Variants in PRKCA observed in about 807,000 individuals in gnomAD.
PRKCA encodes the protein protein kinase C alpha type.
PRKCA carries 27 observed loss-of-function variants against 87.0 expected under a neutral mutation model. The observed-to-expected ratio is 0.31, with a 90% CI of 0.23 to 0.43. The LOEUF is 0.43. Ranked by LOEUF, PRKCA falls within the 20% of genes least tolerant of loss-of-function variation. The pLI, the probability that PRKCA is intolerant of heterozygous loss-of-function variation, is 1.00. For synonymous variants in PRKCA, 329 were observed against 311.1 expected, an observed-to-expected ratio of 1.06 and a Z score of -0.61; for missense variants, 518 against 852.3, an observed-to-expected ratio of 0.61 and a Z score of 4.88.
chr17:66,310,625 G>A (rs1233273399), intron 2 of PRKCA, among the ~76,000 whole-genome samples: 1 of 152,168 alleles, frequency 6.6e-6, no homozygotes, highest in East Asian at 1.9e-4. Context: ...TGAGCAGGGT[G>A]GTGATTTCTA....
At chr17:66,534,421 A>C (rs562550545) in intron 3 of PRKCA, among the ~76,000 whole-genome samples, 2 of 152,150 alleles carry the variant, frequency 1.3e-5, no homozygotes, top group Non-Finnish European at 2.9e-5. Context: ...TAATCCCAGC[A>C]CTTTGGGAGG....
intron 2 of PRKCA, among the ~76,000 whole-genome samples, chr17:66,481,543 C>T (rs1300428491): frequency 3.3e-5 from 5 of 152,250 alleles, no homozygotes; most frequent in East Asian, 1.9e-4. Flanking sequence ...GCTCTCTGCT[C>T]GCCTCTCTCC....
intron 13 of PRKCA, among the ~76,000 whole-genome samples, chr17:66,746,520 C>T (rs561823851): frequency 6.6e-6 from 1 of 152,304 alleles, no homozygotes; most frequent in South Asian, 2.1e-4. Context: ...TGTGCAAATA[C>T]TCCTGTCAGG....
chr17:66,636,480 G>A (rs771708426), intron 3 of PRKCA, among the ~76,000 whole-genome samples: 4 of 152,214 alleles, frequency 2.6e-5, no homozygotes, highest in Admixed American at 6.5e-5. Flanking sequence ...AGTCGGGAAT[G>A]CGGGACCTAG....
chr17:66,402,800 A>G (rs984598976), intron 2 of PRKCA, among the ~76,000 whole-genome samples: 3 of 152,250 alleles, frequency 2.0e-5, no homozygotes, highest in African/African-American at 7.2e-5. Flanking sequence ...ACCAAGTTCT[A>G]GAAGACACTG....
chr17:66,773,335 A>C (rs1974981353), intron 13 of PRKCA, among the ~76,000 whole-genome samples: 1 of 152,158 alleles, frequency 6.6e-6, no homozygotes, highest in Non-Finnish European at 1.5e-5. Context: ...TCTGTTTTTC[A>C]ATAGACTGAA....
intron 14 of PRKCA, chr17:66,777,251 G>A: frequency 1.0e-6 from 1 of 985,366 alleles, no homozygotes; most frequent in Non-Finnish European, 1.2e-6. Context: ...CTCTAGGATG[G>A]GAGGCTGTGG....
At chr17:66,451,308 T>G (rs1443912154) in intron 2 of PRKCA, among the ~76,000 whole-genome samples, 1 of 152,100 alleles carries the variant, frequency 6.6e-6, no homozygotes, top group Non-Finnish European at 1.5e-5. Context: ...AGGATTCCAT[T>G]CTTTAATTTC....
chr17:66,549,357 T>C (rs1335363599), intron 3 of PRKCA, among the ~76,000 whole-genome samples: 4 of 152,056 alleles, frequency 2.6e-5, no homozygotes, highest in Non-Finnish European at 4.4e-5. Context: ...TTTGCTTCTG[T>C]GACTGATAAC....
At chr17:66,364,008 G>GA (rs1191141057) in intron 2 of PRKCA, 1 of 152,260 alleles carries the variant, frequency 6.6e-6, no homozygotes, top group Non-Finnish European at 1.5e-5. Flanking sequence ...GCCTGGAATG[G>GA]GCTTTTTAAA....
At chr17:66,662,653 T>C (rs1971938413) in intron 5 of PRKCA, among the ~76,000 whole-genome samples, 1 of 151,764 alleles carries the variant, frequency 6.6e-6, no homozygotes, top group African/African-American at 2.4e-5. Context: ...TCTTGTTTGA[T>C]TTTGTTTTGG....
At chr17:66,506,597 C>T (rs368057645) in intron 3 of PRKCA, among the ~76,000 whole-genome samples, 3 of 152,106 alleles carry the variant, frequency 2.0e-5, no homozygotes, top group African/African-American at 2.4e-5. Flanking sequence ...TACAGCTGTG[C>T]GTGAGACTTT....
chr17:66,322,636 ATTGTTTT>A (rs1905743696), intron 2 of PRKCA, among the ~76,000 whole-genome samples: 1 of 122,218 alleles, frequency 8.2e-6, no homozygotes, highest in African/African-American at 3.5e-5. Context: ...CTAATTTTTA[ATTGTTTT>A]TTTTTTTTTT....
intron 5 of PRKCA, among the ~76,000 whole-genome samples, chr17:66,679,703 C>G (rs139971259): frequency 6.6e-6 from 1 of 152,352 alleles, no homozygotes; most frequent in East Asian, 1.9e-4. Flanking sequence ...TCCTCGTTCT[C>G]CTGAGCAACG....
chr17:66,521,165 C>A (rs1967146701), intron 3 of PRKCA, among the ~76,000 whole-genome samples: 1 of 152,122 alleles, frequency 6.6e-6, no homozygotes, highest in South Asian at 2.1e-4. Context: ...TGACATTTAC[C>A]AGATTTCTGC....
Position 66,510,935 on chromosome 17 carries a change from C to T in PRKCA, c.288+14652C>T, listed in dbSNP as rs980868127. ...CTAATTTTCGTGTTTTTTGTAGAGA[C>T]GGGATTTTGCCTTGTTGCCCAGGCT... On this transcript the variant is annotated intron_variant, in intron 3 of 16. Transcript: ENST00000413366. 5.3e-5 allele frequency among the ~76,000 whole-genome samples: 8 copies of T among 151,924 alleles called. No homozygotes were observed. The South Asian group carries it at 8.3e-4, about 16-fold the overall frequency.
At chr17:66,322,665 G>A (rs1190467827) in intron 2 of PRKCA, among the ~76,000 whole-genome samples, 3 of 149,332 alleles carry the variant, frequency 2.0e-5, no homozygotes, top group South Asian at 4.3e-4. Context: ...GTAGAGATGG[G>A]GTCTTGCTAT....
chr17:66,669,710 G>C (rs1355863396), intron 5 of PRKCA, among the ~76,000 whole-genome samples: 1 of 152,116 alleles, frequency 6.6e-6, no homozygotes, highest in Non-Finnish European at 1.5e-5. Context: ...AGACCAGCCT[G>C]GGCAACATGG....
At chr17:66,701,081 C>G (rs1008594468) in intron 8 of PRKCA, among the ~76,000 whole-genome samples, 1 of 152,128 alleles carries the variant, frequency 6.6e-6, no homozygotes, top group Non-Finnish European at 1.5e-5. Context: ...CAGTATGGTA[C>G]TGGCATACAA....
Sources: allele counts gnomAD v4.1 joint callset (sites outside exome capture counted in the v4.1 genomes callset), GRCh38; gene constraint gnomAD v4.1.1; transcripts MANE v1.5; gene names NCBI Gene and HGNC (gene_info 2026-07-23, HGNC 2026-07-21).